The following KANK1 variants were observed in gnomAD, a reference collection of about 807,000 sequenced individuals.
The protein encoded by KANK1 is KN motif and ankyrin repeat domain-containing protein 1.
In KANK1, 109 loss-of-function variants were observed where a neutral mutation model predicts 106.2. That is an observed-to-expected ratio of 1.03 (90% CI 0.88 to 1.20). The LOEUF (loss-of-function observed/expected upper bound fraction) is 1.20, where lower values mean the gene tolerates loss of function less well. Among genes scored for constraint, KANK1 ranks in the 50% most tolerant of loss-of-function variants. KANK1 has a pLI of 0.00. For missense variants in KANK1, 2,399 were observed against 1,710.7 expected (o/e 1.40, Z -7.10); for synonymous variants, 873 against 652.2 (o/e 1.34, Z -5.16).
intron 1 of KANK1, among the ~76,000 whole-genome samples, chr9:511,919 T>C (rs1563693272): frequency 6.6e-6 from 1 of 152,148 alleles, no homozygotes; most frequent in Non-Finnish European, 1.5e-5. Flanking sequence ...CAGGCAGGGC[T>C]GGGCTGGGTG....
intron 2 of KANK1, among the ~76,000 whole-genome samples, chr9:687,354 C>A (rs1818813388): frequency 6.6e-6 from 1 of 152,132 alleles, no homozygotes. Flanking sequence ...TCTGTCTCCC[C>A]AAACATTTTC....
intron 1 of KANK1, among the ~76,000 whole-genome samples, chr9:648,840 G>A (rs1840284857): frequency 6.6e-6 from 1 of 152,178 alleles, no homozygotes; most frequent in South Asian, 2.1e-4. Context: ...AATAGAAGCT[G>A]GGAGACTCTT....
intron 1 of KANK1, among the ~76,000 whole-genome samples, chr9:669,635 T>C (rs1845454485): frequency 6.6e-6 from 1 of 152,182 alleles, no homozygotes; most frequent in African/African-American, 2.4e-5. Context: ...CCTCCTTTTT[T>C]CTTGCTGCTT....
intron 1 of KANK1, among the ~76,000 whole-genome samples, chr9:581,411 T>C (rs1333625472): frequency 2.0e-5 from 3 of 152,230 alleles, no homozygotes; most frequent in Admixed American, 6.5e-5. Context: ...TTCTCGTAAA[T>C]CTGTTTTAAA....
intron 1 of KANK1, among the ~76,000 whole-genome samples, chr9:563,745 G>A (rs1350145685): frequency 6.6e-6 from 1 of 152,102 alleles, no homozygotes; most frequent in Non-Finnish European, 1.5e-5. Context: ...TCTCAAAATT[G>A]CTCTATGGTT....
At chr9:564,254 G>T (rs746687335) in intron 1 of KANK1, among the ~76,000 whole-genome samples, 99 of 151,868 alleles carry the variant, frequency 6.5e-4, no homozygotes, top group Non-Finnish European at 1.3e-3. Context: ...GTAGAGACGG[G>T]GTTTCACTGT....
intron 2 of KANK1, among the ~76,000 whole-genome samples, chr9:696,829 C>T (rs1821423215): frequency 6.6e-6 from 1 of 152,116 alleles, no homozygotes; most frequent in Non-Finnish European, 1.5e-5. Flanking sequence ...GAAAGCAAAG[C>T]CATCTGCCCC....
intron 1 of KANK1, among the ~76,000 whole-genome samples, chr9:655,393 C>G (rs1356939835): frequency 8.8e-6 from 1 of 114,260 alleles, no homozygotes; most frequent in Non-Finnish European, 1.8e-5. Flanking sequence ...AAAAAAAAAT[C>G]CAAGATTGTG....
chr9:522,448 A>G (rs1043795822), intron 1 of KANK1, among the ~76,000 whole-genome samples: 12 of 151,498 alleles, frequency 7.9e-5, no homozygotes, highest in Non-Finnish European at 5.9e-5. Context: ...CATGGTTTTC[A>G]CAAGCAGAGC....
In KANK1 at chr9:579,382, C is replaced by T. The variant is rs570234689; in HGVS notation, c.-84+74628C>T. On this transcript the variant is annotated intron_variant, in intron 1 of 11. Transcript: ENST00000382297. Reference sequence around the variant, plus strand: ...AGTCCTCCCCAAAATCCAGGATCTTCAGAGAAAACCTAAGAATCAAAAATA... The same window carrying T: ...AGTCCTCCCCAAAATCCAGGATCTTTAGAGAAAACCTAAGAATCAAAAATA... 1.3e-5 allele frequency among the ~76,000 whole-genome samples: 2 copies of T among 152,270 alleles called. 1 individual carries two copies. Among genetic ancestry groups the T allele is most frequent in the South Asian group, 4.1e-4 (2 of 4,822 alleles).
At chr9:628,960 A>T (rs60780994) in intron 1 of KANK1, among the ~76,000 whole-genome samples, 4 of 149,904 alleles carry the variant, frequency 2.7e-5, no homozygotes, top group Admixed American at 2.6e-4. Context: ...GGCGCCTGTA[A>T]TCCCAGCTAC....
intron 3 of KANK1, among the ~76,000 whole-genome samples, chr9:723,050 G>A (rs1376064846): frequency 1.3e-5 from 2 of 152,172 alleles, no homozygotes; most frequent in African/African-American, 2.4e-5. Context: ...AGTATGGGTC[G>A]AATTCAGCTG....
chr9:728,121 C>G (rs764906800), intron 3 of KANK1, among the ~76,000 whole-genome samples: 22 of 152,306 alleles, frequency 1.4e-4, no homozygotes, highest in Middle Eastern at 3.4e-3. Flanking sequence ...CACATGACAG[C>G]AGACCCTAAA....
intron 3 of KANK1, among the ~76,000 whole-genome samples, chr9:494,367 C>T (rs2058426305): frequency 6.6e-6 from 1 of 152,102 alleles, no homozygotes; most frequent in Admixed American, 6.6e-5. Context: ...AGAATTATTT[C>T]ATGTATACCA....
chr9:490,888 T>C lies in KANK1; in HGVS notation c.-362+17615T>C, dbSNP rs1176118432. Among the ~76,000 whole-genome samples the C allele has an allele frequency of 3.3e-5, 5 of 151,208 alleles. No homozygotes were observed. In the East Asian group the frequency reaches 7.8e-4, roughly 23 times the overall value. ...CATAATAAATGAATTAATTAGAATA[T>C]AGATGGCAATAAGTGCTACGAAAAA... On this transcript the variant is annotated intron_variant, in intron 3 of 15. Coordinates refer to the KANK1 transcript ENST00000382303.
intron 1 of KANK1, among the ~76,000 whole-genome samples, chr9:535,655 G>T (rs1245311547): frequency 6.6e-6 from 1 of 152,218 alleles, no homozygotes; most frequent in East Asian, 1.9e-4. Context: ...TGAGTTGTTA[G>T]GGCCTTTGCC....
Position 683,166 on chromosome 9 carries a change from A to G in KANK1, c.37+6157A>G, listed in dbSNP as rs139222182. Among the ~76,000 whole-genome samples, 30 of 152,294 alleles carry G rather than the reference A, an allele frequency of 2.0e-4. 1 individual carries two copies. In the East Asian group the frequency reaches 3.3e-3, roughly 17 times the overall value. On this transcript the variant is annotated intron_variant, in intron 2 of 11. Transcript: ENST00000382297. ...TCTGTGTTAGCATTACCCCGAAGGC[A>G]GAGAGTTTGCTGATTAGAAACTATG...
chr9:577,652 G>A (rs866072650), intron 1 of KANK1, among the ~76,000 whole-genome samples: 1 of 152,096 alleles, frequency 6.6e-6, no homozygotes, highest in South Asian at 2.1e-4. Context: ...CCCTTGACCA[G>A]AAACAGCATC....
chr9:671,594 T>C (rs1419770988), intron 1 of KANK1, among the ~76,000 whole-genome samples: 11 of 95,920 alleles, frequency 1.1e-4, no homozygotes, highest in African/African-American at 5.5e-4. Context: ...CCAGCCTGGG[T>C]GACAGAGCGA....
Sources: gnomAD v4.1 joint callset for allele counts (sites outside exome capture counted in the v4.1 genomes callset) on GRCh38, gnomAD v4.1.1 for gene constraint, MANE v1.5 for transcripts, NCBI Gene and HGNC (gene_info 2026-07-23, HGNC 2026-07-21) for gene names.